Variants in ACTR3B observed in about 807,000 individuals in gnomAD.
The protein encoded by ACTR3B is actin related protein 3B.
A neutral mutation model predicts 59.0 loss-of-function variants in ACTR3B; 8 were observed. The observed-to-expected ratio is 0.14, with a 90% CI of 0.08 to 0.24. The LOEUF (loss-of-function observed/expected upper bound fraction) is 0.24, where lower values mean the gene tolerates loss of function less well. ACTR3B is among the 10% of genes least tolerant of loss of function. ACTR3B has a pLI of 1.00. For synonymous variants in ACTR3B, 148 were observed against 197.9 expected (o/e 0.75, Z 2.12); for missense variants, 245 against 552.3 (o/e 0.44, Z 5.58).
intron 9 of ACTR3B, among the ~76,000 whole-genome samples, chr7:152,825,775 G>A (rs1796523909): frequency 6.6e-6 from 1 of 152,090 alleles, no homozygotes; most frequent in South Asian, 2.1e-4. Context: ...ATGCATATTT[G>A]GGTTTGGTGC....
intron 2 of ACTR3B, among the ~76,000 whole-genome samples, chr7:152,790,134 A>G (rs1420018894): frequency 6.6e-6 from 1 of 151,190 alleles, no homozygotes; most frequent in African/African-American, 2.4e-5. Flanking sequence ...CTGGGACCAC[A>G]CATGGGAGCC....
Position 152,825,113 on chromosome 7 carries a change from G to A in ACTR3B, c.942G>A (p.Pro314=), listed in dbSNP as rs141764620. The change falls in exon 9 of 12, where the codon CCG becomes CCA. Residue 314 remains proline (P), a synonymous_variant. Transcript: ENST00000256001. Reference sequence around the variant, plus strand: ...ACTGCCCCATCGATGTGCGGCGCCCGCTGTATAAGGTATGAGCTGCCTGGG... The same window carrying A: ...ACTGCCCCATCGATGTGCGGCGCCCACTGTATAAGGTATGAGCTGCCTGGG... ...IQNCPIDVRR[P]LYKNVVLSGG... The A allele has an allele frequency of 2.4e-5, 39 of 1,613,434 alleles. No homozygotes were observed. In the African/African-American group the frequency reaches 4.3e-4, roughly 18 times the overall value.
intron 9 of ACTR3B, among the ~76,000 whole-genome samples, chr7:152,833,180 G>A (rs1320669499): frequency 4.6e-5 from 7 of 152,290 alleles, no homozygotes; most frequent in African/African-American, 1.4e-4. Flanking sequence ...GCCGAAGAGG[G>A]GGTGGTTAGA....
At chr7:152,785,466 AGGGG>A (rs2098170166) in intron 2 of ACTR3B, among the ~76,000 whole-genome samples, 1 of 3,942 alleles carries the variant, frequency 2.5e-4, no homozygotes, top group South Asian at 0.019. Flanking sequence ...GGGGAGGGGG[AGGGG>A]GAGGGAGAGA....
Position 152,769,376 on chromosome 7 carries a change from G to A in ACTR3B, c.44+9450G>A, listed in dbSNP as rs397834125. Among the ~76,000 whole-genome samples the A allele has an allele frequency of 1.2e-3, 188 of 152,248 alleles. 1 individual carries two copies. Among genetic ancestry groups the A allele is most frequent in the African/African-American group, 4.4e-3 (181 of 41,528 alleles). On this transcript the variant is annotated intron_variant, in intron 1 of 11. Coordinates refer to ENST00000256001, the MANE Select transcript of ACTR3B (RefSeq NM_020445.6). ...TAGCCTTCTAATTGTTTTCTCAGCC[G>A]AGTTGTACTTTGTCAGATATCAAGA...
chr7:152,851,413 C>T (rs1271122028), intron 9 of ACTR3B, among the ~76,000 whole-genome samples: 1 of 152,162 alleles, frequency 6.6e-6, no homozygotes, highest in Non-Finnish European at 1.5e-5. Flanking sequence ...ACCAGCTGCT[C>T]GGGTGACCTG....
chr7:152,793,068 T>C (rs1160534116), intron 2 of ACTR3B, among the ~76,000 whole-genome samples: 1 of 147,276 alleles, frequency 6.8e-6, no homozygotes, highest in African/African-American at 2.5e-5. Flanking sequence ...GAAGTTTGAG[T>C]ATAATGTGTT....
chr7:152,773,233 A>G (rs889935900), intron 1 of ACTR3B, among the ~76,000 whole-genome samples: 1 of 151,020 alleles, frequency 6.6e-6, no homozygotes, highest in Non-Finnish European at 1.5e-5. Context: ...AACAAAAACT[A>G]TGGTAGTTAC....
At chr7:152,805,042 A>G (rs888371676) in intron 4 of ACTR3B, among the ~76,000 whole-genome samples, 2 of 152,024 alleles carry the variant, frequency 1.3e-5, no homozygotes, top group Non-Finnish European at 2.9e-5. Context: ...ATTTGGCCTC[A>G]TTGTTCTGGC....
At position 152,823,468 on chromosome 7, in the gene ACTR3B, G is replaced by A. The variant is rs745707695; in HGVS notation, c.811G>A (p.Val271Ile). The A allele has an allele frequency of 5.6e-6, 9 of 1,614,004 alleles. No individual in the cohort carries two copies. The highest frequency in any genetic ancestry group is 4.0e-5 in the African/African-American group (3 of 74,930). Reference sequence around the variant, plus strand: ...CAACCAGAAGAAGTTTGTTATAGACGTTGGTTACGAAAGATTCCTGGGACC... The same window carrying A: ...CAACCAGAAGAAGTTTGTTATAGACATTGGTTACGAAAGATTCCTGGGACC... ...AINQKKFVID[V>I]GYERFLGPEI... Residue 271 changes from valine (V) to isoleucine (I), a missense_variant, in exon 8 of 12, where the codon GTT (valine) becomes ATT (isoleucine). Val to Ile is a conservative substitution (Grantham distance 29, BLOSUM62 3). Around this residue, in one of 7 missense-constraint regions of ACTR3B, gnomAD observed 153 missense variants for 266.2 expected, o/e 0.57. Coordinates refer to ENST00000256001, the MANE Select transcript of ACTR3B (RefSeq NM_020445.6).
intron 7 of ACTR3B, 103 bp downstream of exon 7, chr7:152,820,545 C>G: frequency 2.0e-6 from 3 of 1,476,514 alleles, no homozygotes; most frequent in Admixed American, 2.4e-5. Context: ...CCTTCCTCTC[C>G]CCTTCCCATG....
chr7:152,848,934 C>T (rs1323245045), intron 9 of ACTR3B, among the ~76,000 whole-genome samples: 1 of 152,130 alleles, frequency 6.6e-6, no homozygotes. Context: ...TCACAGAGGA[C>T]AACAGTGATT....
intron 9 of ACTR3B, among the ~76,000 whole-genome samples, chr7:152,843,517 T>C (rs1798031294): frequency 6.6e-6 from 1 of 152,260 alleles, no homozygotes; most frequent in Non-Finnish European, 1.5e-5. Flanking sequence ...ACTGTTTGTA[T>C]GGTTATGTGA....
intron 3 of ACTR3B, 25 bp from the exon 4 acceptor site, chr7:152,801,596 A>C: frequency 7.4e-7 from 1 of 1,351,164 alleles, no homozygotes; most frequent in Non-Finnish European, 1.0e-6. Context: ...CTGAGGCTTG[A>C]CAACTCTGGT....
intron 4 of ACTR3B, among the ~76,000 whole-genome samples, chr7:152,808,649 C>T (rs1265857737): frequency 1.3e-5 from 2 of 152,242 alleles, no homozygotes; most frequent in East Asian, 3.8e-4. Context: ...TAACCTTTCT[C>T]TCCTGATACT....
intron 1 of ACTR3B, among the ~76,000 whole-genome samples, chr7:152,764,790 C>CA (rs200111918): frequency 0.021 from 3,195 of 152,246 alleles, 103 homozygotes; most frequent in African/African-American, 0.072. Context: ...AAATTACACT[C>CA]ATTAGTGTGC....
chr7:152,851,655 C>T (rs1453890015), intron 9 of ACTR3B, among the ~76,000 whole-genome samples: 1 of 152,196 alleles, frequency 6.6e-6, no homozygotes, highest in Non-Finnish European at 1.5e-5. Context: ...CTGGGTGGCT[C>T]ATCTGAGAAT....
At chr7:152,802,015 G>A in intron 4 of ACTR3B, among the ~76,000 whole-genome samples, 1 of 152,102 alleles carries the variant, frequency 6.6e-6, no homozygotes, top group Non-Finnish European at 1.5e-5. Context: ...GAGCTCTTCT[G>A]TTTGTTCCCC....
At chr7:152,835,187 G>A (rs1797348419) in intron 9 of ACTR3B, among the ~76,000 whole-genome samples, 1 of 152,224 alleles carries the variant, frequency 6.6e-6, no homozygotes, top group Non-Finnish European at 1.5e-5. Context: ...CACGTGGGCT[G>A]AGCCGCTTCC....
Sources: gnomAD v4.1 joint callset for allele counts (sites outside exome capture counted in the v4.1 genomes callset) on GRCh38, gnomAD v4.1.1 for gene constraint, gnomAD v4.1.1 regional missense constraint, MANE v1.5 for transcripts, NCBI Gene and HGNC (gene_info 2026-07-23, HGNC 2026-07-21) for gene names.